The following SEMA3D variants were observed in gnomAD, a reference collection of about 807,000 sequenced individuals.
The protein encoded by SEMA3D is semaphorin-3D.
In SEMA3D, 84 loss-of-function variants were observed where a neutral mutation model predicts 100.1. The observed-to-expected ratio is 0.84, with a 90% CI of 0.70 to 1.01. The LOEUF is 1.01. Among genes scored for constraint, SEMA3D ranks in the 50% least tolerant of loss-of-function variants. SEMA3D has a pLI of 0.00. For synonymous variants in SEMA3D, 312 were observed against 320.7 expected (o/e 0.97, Z 0.29); for missense variants, 875 against 934.1 (o/e 0.94, Z 0.82).
upstream of SEMA3D, among the ~76,000 whole-genome samples, chr7:85,188,317 C>T (rs752908816): frequency 1.1e-4 from 17 of 152,156 alleles, no homozygotes; most frequent in Non-Finnish European, 2.2e-4. Context: ...ATCTCTATAA[C>T]CTTGGTTTGG....
chr7:85,236,159 C>T, the SEMA3D span, among the ~76,000 whole-genome samples: 1 of 151,986 alleles, frequency 6.6e-6, no homozygotes, highest in Non-Finnish European at 1.5e-5. Flanking sequence ...AGAATTATGA[C>T]CATTTCAAGC....
intron 2 of SEMA3D, chr7:85,151,831 C>G (rs974833946): frequency 2.9e-6 from 2 of 682,948 alleles, no homozygotes; most frequent in Middle Eastern, 7.3e-4. Flanking sequence ...TTTAGACTGT[C>G]TGTAAAAAAA....
chr7:85,034,271 C>T (rs1790629357), intron 12 of SEMA3D, among the ~76,000 whole-genome samples: 1 of 151,962 alleles, frequency 6.6e-6, no homozygotes. Flanking sequence ...TGAGTAAGTA[C>T]AGCTGTGATA....
intron 6 of SEMA3D, among the ~76,000 whole-genome samples, chr7:85,072,638 G>A (rs976851790): frequency 2.0e-5 from 3 of 152,040 alleles, no homozygotes; most frequent in Non-Finnish European, 2.9e-5. Flanking sequence ...ATTTTTATTT[G>A]GTAGATCAAG....
intron 4 of SEMA3D, among the ~76,000 whole-genome samples, chr7:85,091,666 AC>A (rs1788398548): frequency 1.3e-5 from 2 of 152,084 alleles, no homozygotes; most frequent in Non-Finnish European, 2.9e-5. Flanking sequence ...ACTGACAGTT[AC>A]TATGTCGTTT....
At chr7:85,187,551 T>C (rs756203799), upstream of SEMA3D, among the ~76,000 whole-genome samples, 4 of 152,142 alleles carry the variant, frequency 2.6e-5, no homozygotes, top group Non-Finnish European at 4.4e-5. Context: ...CAGGGAGAGA[T>C]AAAAACGAGT....
the SEMA3D span, among the ~76,000 whole-genome samples, chr7:85,219,406 A>T: frequency 6.6e-6 from 1 of 151,918 alleles, no homozygotes; most frequent in Non-Finnish European, 1.5e-5. Flanking sequence ...TATCAGACAC[A>T]ATTTTTACCT....
intron 5 of SEMA3D, among the ~76,000 whole-genome samples, chr7:85,073,416 T>G (rs2116191806): frequency 6.6e-6 from 1 of 152,006 alleles, no homozygotes; most frequent in South Asian, 2.1e-4. Flanking sequence ...TATTTAAAAT[T>G]TTCTCTTTTT....
chr7:85,067,835 T>C (rs1404120079), intron 7 of SEMA3D, among the ~76,000 whole-genome samples: 1 of 152,174 alleles, frequency 6.6e-6, no homozygotes, highest in Non-Finnish European at 1.5e-5. Flanking sequence ...ACATATGGAA[T>C]TGCCAAATTT....
chr7:85,018,708 T>A (rs1052590495), intron 14 of SEMA3D, among the ~76,000 whole-genome samples: 2 of 151,766 alleles, frequency 1.3e-5, no homozygotes, highest in African/African-American at 4.8e-5. Flanking sequence ...GTTGTTTAAG[T>A]AGCAGAGTTT....
intron 4 of SEMA3D, among the ~76,000 whole-genome samples, chr7:85,082,335 C>T (rs17641142): frequency 0.014 from 2,110 of 152,284 alleles, 41 homozygotes; most frequent in South Asian, 0.061. Context: ...TTATGCTTCA[C>T]GATCTTGAGT....
chr7:85,115,525 C>T (rs1789213973), intron 3 of SEMA3D, among the ~76,000 whole-genome samples: 1 of 152,066 alleles, frequency 6.6e-6, no homozygotes, highest in Non-Finnish European at 1.5e-5. Flanking sequence ...ACCGGAGTTT[C>T]CCTTTTTATG....
chr7:85,154,543 A>G (rs1790526883), intron 1 of SEMA3D, among the ~76,000 whole-genome samples: 1 of 151,976 alleles, frequency 6.6e-6, no homozygotes, highest in African/African-American at 2.4e-5. Context: ...TTACTTATTA[A>G]CACCTTGGAA....
chr7:85,208,582 A>G, the SEMA3D span, among the ~76,000 whole-genome samples: 1 of 151,976 alleles, frequency 6.6e-6, no homozygotes, highest in Non-Finnish European at 1.5e-5. Flanking sequence ...GTATTTGTCA[A>G]AATATAAATT....
At chr7:85,164,327 CCTATCT>C (rs1268828552) in intron 1 of SEMA3D, among the ~76,000 whole-genome samples, 2 of 152,094 alleles carry the variant, frequency 1.3e-5, no homozygotes, top group Non-Finnish European at 2.9e-5. Context: ...TTAACCCAAA[CCTATCT>C]CTATCTGTAT....
chr7:85,214,340 C>T, the SEMA3D span, among the ~76,000 whole-genome samples: 1 of 151,978 alleles, frequency 6.6e-6, no homozygotes, highest in East Asian at 1.9e-4. Flanking sequence ...AAAGTGTTTG[C>T]ACTATATTAC....
intron 3 of SEMA3D, among the ~76,000 whole-genome samples, chr7:85,105,715 C>G (rs1360009787): frequency 6.6e-6 from 1 of 152,050 alleles, no homozygotes; most frequent in Non-Finnish European, 1.5e-5. Flanking sequence ...ATCAAATTCT[C>G]TTGCTTTTCT....
chr7:85,125,878 T>C (rs1416210094), intron 2 of SEMA3D, among the ~76,000 whole-genome samples: 1 of 151,676 alleles, frequency 6.6e-6, no homozygotes, highest in Non-Finnish European at 1.5e-5. Flanking sequence ...TAACCAAAAG[T>C]GGGTGGATTT....
chr7:85,211,142 G>A, the SEMA3D span, among the ~76,000 whole-genome samples: 1 of 152,004 alleles, frequency 6.6e-6, no homozygotes, highest in Non-Finnish European at 1.5e-5. Context: ...AACCAAAGAG[G>A]ATGAATGGGC....
Sources: gnomAD v4.1 joint callset for allele counts (sites outside exome capture counted in the v4.1 genomes callset) on GRCh38, gnomAD v4.1.1 for gene constraint, MANE v1.5 for transcripts, NCBI Gene and HGNC (gene_info 2026-07-23, HGNC 2026-07-21) for gene names.